The following ELK3 variants were observed in gnomAD, a reference collection of about 807,000 sequenced individuals.
ELK3 encodes the protein ETS transcription factor ELK3.
Under a neutral mutation model 28.9 loss-of-function variants are expected in ELK3, and 10 were observed. The observed-to-expected ratio is 0.35, with a 90% CI of 0.21 to 0.59. The LOEUF is 0.59. Among genes scored for constraint, ELK3 ranks in the 20% least tolerant of loss-of-function variants. The pLI is 0.82. For missense variants in ELK3, 463 were observed against 517.3 expected (o/e 0.90, Z 1.02); for synonymous variants, 272 against 243.5 (o/e 1.12, Z -1.09).
At chr12:96,250,984 C>T (rs1279048937) in intron 3 of ELK3, among the ~76,000 whole-genome samples, 1 of 152,198 alleles carries the variant, frequency 6.6e-6, no homozygotes, top group Admixed American at 6.5e-5. Context: ...AGGCATCCCT[C>T]ATTTTACTGT....
intron 1 of ELK3, among the ~76,000 whole-genome samples, chr12:96,204,817 A>G (rs904785108): frequency 7.2e-5 from 11 of 152,230 alleles, no homozygotes; most frequent in Non-Finnish European, 1.5e-4. Context: ...AAAGTTAACA[A>G]TATTTCTCTG....
chr12:96,242,895 A>G (rs1026202202), intron 2 of ELK3, among the ~76,000 whole-genome samples: 8 of 152,036 alleles, frequency 5.3e-5, no homozygotes, highest in South Asian at 2.1e-4. Context: ...GTTCTTTCCA[A>G]TGGCTGTCAC....
intron 2 of ELK3, among the ~76,000 whole-genome samples, chr12:96,246,522 G>A (rs1951856781): frequency 6.6e-6 from 1 of 152,172 alleles, no homozygotes; most frequent in South Asian, 2.1e-4. Context: ...TTAGCAGGGT[G>A]TGGTGGCATG....
intron 2 of ELK3, among the ~76,000 whole-genome samples, chr12:96,224,443 G>A (rs13377793): frequency 6.6e-6 from 1 of 152,038 alleles, no homozygotes; most frequent in Non-Finnish European, 1.5e-5. Flanking sequence ...GGTGATGACC[G>A]ACCGAGCCAT....
chr12:96,265,913 A>G (rs1212824149), intron 4 of ELK3, among the ~76,000 whole-genome samples: 1 of 152,226 alleles, frequency 6.6e-6, no homozygotes. Flanking sequence ...TAAAGAAATT[A>G]AAACAGTAAT....
chr12:96,205,908 G>A (rs1364443176), intron 1 of ELK3, among the ~76,000 whole-genome samples: 1 of 152,214 alleles, frequency 6.6e-6, no homozygotes, highest in Admixed American at 6.5e-5. Context: ...ATTAATTCTC[G>A]ATGCTGGATT....
intron 4 of ELK3, among the ~76,000 whole-genome samples, chr12:96,262,042 A>G (rs1424586267): frequency 3.5e-5 from 5 of 143,980 alleles, no homozygotes; most frequent in Admixed American, 2.1e-4. Flanking sequence ...TTTTTGAGAC[A>G]GAGTCTCACT....
At chr12:96,246,819 G>A (rs1469188867) in intron 2 of ELK3, 121 bp from the exon 3 acceptor site, 1 of 1,031,886 alleles carries the variant, frequency 9.7e-7, no homozygotes, top group Non-Finnish European at 1.4e-6. Context: ...CTTTTCCTTA[G>A]CCAAGAATGT....
chr12:96,235,544 CAA>C (rs756127107), intron 2 of ELK3, among the ~76,000 whole-genome samples: 4 of 152,126 alleles, frequency 2.6e-5, no homozygotes, highest in Admixed American at 6.5e-5. Flanking sequence ...GAAAGTCACT[CAA>C]GAGAGGATCC....
intron 1 of ELK3, among the ~76,000 whole-genome samples, chr12:96,216,854 G>T (rs2137009648): frequency 6.6e-6 from 1 of 152,342 alleles, no homozygotes; most frequent in East Asian, 1.9e-4. Flanking sequence ...CCCACAACCA[G>T]ACAGGACGAG....
intron 1 of ELK3, among the ~76,000 whole-genome samples, chr12:96,208,853 G>T (rs894321077): frequency 6.6e-6 from 1 of 152,114 alleles, no homozygotes. Flanking sequence ...GAGGTCCCGG[G>T]CCAGGTGCAG....
At position 96,267,169 on chromosome 12, in the gene ELK3, C is replaced by G; in HGVS notation, c.1213C>G (p.Gln405Glu). Residue 405 changes from glutamine to glutamate, a missense_variant, in exon 5 of 5, where the codon CAG (glutamine) becomes GAG (glutamate). Coordinates refer to ENST00000228741, the MANE Select transcript of ELK3 (RefSeq NM_005230.4). The stretch of plus-strand genomic sequence containing the variant: ...TCCAGTACTGCTTTCTTCAAACTCT[C>G]AGAAATCCTGATGACGTCTGGCCAC... ...ASPVLLSSNS[Q>E]KS 6.2e-7 allele frequency: 1 copy of G among 1,612,290 alleles called. No individual in the cohort carries two copies. Among genetic ancestry groups the G allele is most frequent in the Non-Finnish European group, 8.5e-7 (1 of 1,179,256 alleles).
At chr12:96,260,350 C>G (rs1303421539) in intron 4 of ELK3, among the ~76,000 whole-genome samples, 2 of 152,092 alleles carry the variant, frequency 1.3e-5, no homozygotes, top group Non-Finnish European at 2.9e-5. Context: ...TATTAATCCT[C>G]CTAGTTAATG....
intron 2 of ELK3, among the ~76,000 whole-genome samples, chr12:96,240,443 C>T (rs1951813015): frequency 6.6e-6 from 1 of 152,178 alleles, no homozygotes; most frequent in Non-Finnish European, 1.5e-5. Flanking sequence ...ATGTCTCATT[C>T]AGTCCCATGA....
rs554157985 is a variant in ELK3, at chr12:96,268,447, T to C, written c.*1267T>C. 6.6e-6 allele frequency: 1 copy of C among 152,342 alleles called. No homozygotes were observed. Among genetic ancestry groups the C allele is most frequent in the East Asian group, 1.9e-4 (1 of 5,192 alleles). 9.4% of individuals were successfully genotyped at this position (152,342 alleles called of 1,614,324 possible). A position where few individuals can be genotyped will look rare whatever the true frequency, so the allele number is the denominator to read the frequency against. On this transcript the variant is annotated 3_prime_UTR_variant, in exon 5 of 5. Coordinates refer to ENST00000228741, the MANE Select transcript of ELK3 (RefSeq NM_005230.4). ...CTTGGAACACTCCAGTAAATTCTGT[T>C]GTGTAATGTAATTTGGAGCAGTGAT... is the stretch of plus-strand genomic sequence containing the variant.
intron 1 of ELK3, among the ~76,000 whole-genome samples, chr12:96,220,240 T>G (rs994093247): frequency 1.3e-5 from 2 of 152,090 alleles, no homozygotes; most frequent in Non-Finnish European, 2.9e-5. Flanking sequence ...GTCCTTTTTG[T>G]CCTTTTTCTT....
intron 3 of ELK3, among the ~76,000 whole-genome samples, chr12:96,252,293 A>T (rs1017228751): frequency 2.0e-5 from 3 of 152,268 alleles, no homozygotes; most frequent in Non-Finnish European, 4.4e-5. Context: ...ATATACAAGA[A>T]GATTAATATT....
At chr12:96,236,512 G>A (rs572088781) in intron 2 of ELK3, among the ~76,000 whole-genome samples, 2 of 152,338 alleles carry the variant, frequency 1.3e-5, no homozygotes, top group African/African-American at 4.8e-5. Flanking sequence ...GAGTTGGCCT[G>A]TTCAGAGACA....
rs1415624149 is a variant in ELK3, at chr12:96,268,557, C to CTAAT, written c.*1378_*1381dup. 1.3e-5 allele frequency: 2 copies of CTAAT among 152,096 alleles called. No individual in the cohort carries two copies. Among genetic ancestry groups the CTAAT allele is most frequent in the African/African-American group, 4.8e-5 (2 of 41,406 alleles). 9.4% of individuals were successfully genotyped at this position (152,096 alleles called of 1,614,324 possible). ...CACCTGTACATGAAGAAGGAAAGTTCTAATACAAGAAAACTGAAAAGCACC... is the reference window on the plus strand; with the variant it reads ...CACCTGTACATGAAGAAGGAAAGTTCTAATTAATACAAGAAAACTGAAAAGCACC... On this transcript the variant is annotated 3_prime_UTR_variant, in exon 5 of 5. Transcript: ENST00000228741.
Sources: allele counts gnomAD v4.1 joint callset (sites outside exome capture counted in the v4.1 genomes callset), GRCh38; gene constraint gnomAD v4.1.1; transcripts MANE v1.5; gene names NCBI Gene and HGNC (gene_info 2026-07-23, HGNC 2026-07-21).